Variants in MYO1C observed in about 807,000 individuals in gnomAD.
MYO1C encodes the protein myosin IC, also known as unconventional myosin-Ic.
In MYO1C, 104 loss-of-function variants were observed where a neutral mutation model predicts 150.8. The observed-to-expected ratio is 0.69, with a 90% confidence interval of 0.59 to 0.81. The LOEUF is 0.81. Among genes scored for constraint, MYO1C ranks in the 30% least tolerant of loss-of-function variants. The pLI, the probability that MYO1C is intolerant of heterozygous loss-of-function variation, is 0.00. For synonymous variants in MYO1C, 663 were observed against 579.9 expected (o/e 1.14, Z -2.06); for missense variants, 1,504 against 1,435.0 (o/e 1.05, Z -0.78).
At chr17:1,472,278 C>G (rs1281613845) in intron 17 of MYO1C, 50 bp from the exon 18 acceptor site, 5 of 1,536,734 alleles carry the variant, frequency 3.3e-6, no homozygotes, top group Non-Finnish European at 3.6e-6. Context: ...GCTAAAGCTG[C>G]TGACCCCAGC....
At chr17:1,484,895 TC>T in intron 1 of MYO1C, 2 of 36,104 alleles carry the variant, frequency 5.5e-5, no homozygotes, top group Non-Finnish European at 4.8e-5. Flanking sequence ...CACCCCCACC[TC>T]CACCGGTAGA....
In MYO1C at chr17:1,482,637, C is replaced by T. The variant is rs2074547739; in HGVS notation, c.547-79G>A. On this transcript the variant is annotated intron_variant, in intron 4 of 31. Transcript: ENST00000648651. ...CACCCCGCCTTGTAGCTACTGCTGC[C>T]CCTCCCCTCCCGCACTGGGCTTCTC... is the stretch of plus-strand genomic sequence containing the variant. The T allele has an allele frequency of 5.6e-6, 6 of 1,074,452 alleles. No homozygotes were observed. In the East Asian group the frequency reaches 2.6e-4, roughly 46 times the overall value. The allele number at this position is 1,074,452 out of a possible 1,614,324, so 66.6% of individuals were successfully genotyped here.
chr17:1,469,155 C>T (rs990467910), intron 25 of MYO1C: 6 of 351,618 alleles, frequency 1.7e-5, no homozygotes. Flanking sequence ...TAGAGCAGAC[C>T]GGGGTAAACA....
chr17:1,490,603 A>ACCAATC (rs934121592), intron 1 of MYO1C, among the ~76,000 whole-genome samples: 1 of 152,044 alleles, frequency 6.6e-6, no homozygotes, highest in Non-Finnish European at 1.5e-5. Context: ...CCTTCCTCCT[A>ACCAATC]CCAATCCATT....
At position 1,484,657 on chromosome 17, in the gene MYO1C, G is replaced by A. The variant is rs187240262; in HGVS notation, c.76-354C>T. The A allele has an allele frequency of 6.7e-4, 313 of 466,658 alleles. 2 individuals are homozygous for A. Among genetic ancestry groups the A allele is most frequent in the African/African-American group, 5.6e-3 (282 of 50,642 alleles). The allele number at this position is 466,658 out of a possible 1,614,324, so 28.9% of individuals were successfully genotyped here. A position where few individuals can be genotyped will look rare whatever the true frequency, so the allele number is the denominator to read the frequency against. On this transcript the variant is annotated intron_variant, in intron 1 of 31. Transcript: ENST00000648651. ...AGGTGCTGGTTTTGGGTGGAGAAAG[G>A]GGGGGTCACAAGAAGGAACTCCTTG...
In MYO1C at chr17:1,475,007, T is replaced by C. The variant is rs1324798522; in HGVS notation, c.1600A>G (p.Arg534Gly). 1.9e-6 allele frequency: 3 copies of C among 1,552,946 alleles called. No homozygotes were observed. The highest frequency in any genetic ancestry group is 1.2e-5 in the South Asian group (1 of 84,384). Residue 534 changes from arginine to glycine, a missense_variant, in exon 15 of 32, where the codon AGG becomes GGG. By Grantham distance (125) the Arg-to-Gly change is moderately radical (BLOSUM62 -2). Coordinates refer to ENST00000648651, the MANE Select transcript of MYO1C (RefSeq NM_001080779.2). ...LTHKLADQRTRKSLGRGEFRL... is the reference protein window; with the variant it reads ...LTHKLADQRTGKSLGRGEFRL... ...AATTCCCCTCGGCCCAGAGATTTCC[T>C]GGTCCGCTGGTCAGCCAGCTTGTGC... is the stretch of plus-strand genomic sequence containing the variant.
chr17:1,485,723 G>C, intron 1 of MYO1C: 2 of 1,165,532 alleles, frequency 1.7e-6, no homozygotes, highest in Non-Finnish European at 2.1e-6. Context: ...CTGCCCGGCC[G>C]GCCTGGCGCC....
chr17:1,481,154 C>G (rs374549206), intron 5 of MYO1C: 11 of 499,214 alleles, frequency 2.2e-5, no homozygotes, highest in Non-Finnish European at 4.0e-5. Context: ...AGCTCAACAC[C>G]GGACCTTCTC....
At position 1,479,580 on chromosome 17, in the gene MYO1C, C is replaced by T. The variant is rs374101195; in HGVS notation, c.1020+12G>A. 20 of 1,602,400 alleles carry T rather than the reference C, an allele frequency of 1.2e-5. No homozygotes were observed. The highest frequency in any genetic ancestry group is 8.0e-5 in the African/African-American group (6 of 74,642). On this transcript the variant is annotated intron_variant, in intron 8 of 31. Coordinates refer to ENST00000648651, the MANE Select transcript of MYO1C (RefSeq NM_001080779.2). This position sits in a 1 kb window ranked among gnomAD's most constrained non-coding sequence, Gnocchi z 4.2. ...CGCCGTCCTCCCGTCGCCCTCTGCC[C>T]GCCCCACTCACCCTGGTCAGATACT...
intron 24 of MYO1C, 112 bp downstream of exon 24, chr17:1,470,063 C>T: frequency 8.7e-7 from 1 of 1,146,218 alleles, no homozygotes; most frequent in Non-Finnish European, 1.2e-6. Context: ...CTGCTCAGCT[C>T]TGGTCCGGGC....
intron 31 of MYO1C, 115 bp from the exon 32 acceptor site, chr17:1,465,867 A>G (rs575961526): frequency 2.7e-6 from 2 of 742,148 alleles, no homozygotes; most frequent in South Asian, 5.4e-5. Context: ...GGGTCTCGCT[A>G]TATTGTCCAG....
intron 21 of MYO1C, 165 bp from the exon 22 acceptor site, chr17:1,470,854 G>C: frequency 1.1e-6 from 1 of 937,580 alleles, no homozygotes; most frequent in Admixed American, 2.0e-5. Context: ...CCCGGAAAAG[G>C]GGGGCGGCGG....
intron 3 of MYO1C, among the ~76,000 whole-genome samples, chr17:1,483,282 C>G (rs947373716): frequency 6.7e-6 from 1 of 149,564 alleles, no homozygotes; most frequent in Non-Finnish European, 1.5e-5. Flanking sequence ...AGGTGGGAGG[C>G]TGGAGGTCAC....
In MYO1C at chr17:1,483,596, C is replaced by A; in HGVS notation, c.347+14G>T. 1 of 1,592,106 alleles carries A rather than the reference C, an allele frequency of 6.3e-7. No individual in the cohort carries two copies. The highest frequency in any genetic ancestry group is 8.6e-7 in the Non-Finnish European group (1 of 1,167,174). ...GACAGAGGGGTCGCTCCCGGAGGGG[C>A]TGGGGTCACTCACAGGTGAGGGGGC... On this transcript the variant is annotated intron_variant, in intron 3 of 31. Transcript: ENST00000648651.
In MYO1C at chr17:1,477,508, AG is replaced by A; in HGVS notation, c.1570del (p.Leu524Ter). 1 of 1,613,598 alleles carries A rather than the reference AG, an allele frequency of 6.2e-7. No individual in the cohort carries two copies. Among genetic ancestry groups the A allele is most frequent in the Non-Finnish European group, 8.5e-7 (1 of 1,179,928 alleles). On this transcript the variant is annotated frameshift_variant, in exon 14 of 32. Transcript: ENST00000648651. LOFTEE classifies it high-confidence loss of function. Reference protein sequence around the residue: ...EDTVKHHPHFLTHKLADQRTR... With the variant: ...EDTVKHHPHFXTHKLADQRTR... ...GCAGCCCCGCAGCCCCACTCACGTC[AG>A]GAAGTGTGGATGGTGCTTGACAGTA...
chr17:1,488,070 G>A (rs1399938995), intron 1 of MYO1C, among the ~76,000 whole-genome samples: 2 of 152,122 alleles, frequency 1.3e-5, no homozygotes, highest in African/African-American at 4.8e-5. Context: ...CCCGCGAGGC[G>A]TGGGGGACTC....
rs1481529228 is a variant in MYO1C at position 1,470,532 on chromosome 17, C to G, written c.2282-13G>C. 6.4e-7 allele frequency: 1 copy of G among 1,555,714 alleles called. No homozygotes were observed. The highest frequency in any genetic ancestry group is 8.7e-7 in the Non-Finnish European group (1 of 1,149,138). On this transcript the variant is annotated splice_polypyrimidine_tract_variant and intron_variant, in intron 22 of 31. Coordinates refer to ENST00000648651, the MANE Select transcript of MYO1C (RefSeq NM_001080779.2). ...TGGATGCAGATGGCTGTCGTGGAGA[C>G]CACAGATGGCTGAACTCTATCTTCT...
Position 1,492,454 on chromosome 17 carries a change from C to T in MYO1C, c.34G>A (p.Glu12Lys), listed in dbSNP as rs2074746616. ...TGGGGATGAACCACGCGGATGATCT[C>T]CCCGGTGGGTACCAGCTCCACTTGC... ...ALQVELVPTG[E>K]IIRVVHPHRP... Residue 12 changes from glutamate (E) to lysine (K), a missense_variant, in exon 1 of 32, where the codon GAG becomes AAG. Glu to Lys is a moderately conservative substitution (Grantham distance 56). Transcript: ENST00000648651. The T allele has an allele frequency of 6.2e-7, 1 of 1,607,612 alleles. No homozygotes were observed. Among genetic ancestry groups the T allele is most frequent in the African/African-American group, 1.3e-5 (1 of 74,910 alleles).
chr17:1,470,079 G>A (rs558955450), intron 24 of MYO1C, 96 bp downstream of exon 24: 27 of 1,325,860 alleles, frequency 2.0e-5, no homozygotes, highest in South Asian at 1.5e-4. Flanking sequence ...CGGGCCCTCC[G>A]TGAGCCCTCC....
Sources: gnomAD v4.1 joint callset for allele counts (sites outside exome capture counted in the v4.1 genomes callset) on GRCh38, gnomAD v4.1.1 for gene constraint, Gnocchi (gnomAD v3.1) non-coding constraint, MANE v1.5 for transcripts, NCBI Gene and HGNC (gene_info 2026-07-23, HGNC 2026-07-21) for gene names.